Variants in SLC25A26 observed in about 807,000 individuals in gnomAD.
SLC25A26 encodes solute carrier family 25 member 26, also known as mitochondrial S-adenosylmethionine carrier protein.
In SLC25A26, 36 loss-of-function variants were observed where a neutral mutation model predicts 37.8. The ratio of observed to expected loss-of-function variants is 0.95; its 90% CI spans 0.73 to 1.26. SLC25A26 has a LOEUF of 1.26. Among genes scored for constraint, SLC25A26 ranks in the 50% most tolerant of loss-of-function variants. The probability of loss-of-function intolerance (pLI) is 0.00; values close to 1 mark genes in which losing one functional copy is unlikely to be tolerated. For missense variants in SLC25A26, 390 were observed against 331.1 expected, an observed-to-expected ratio of 1.18 and a Z score of -1.38; for synonymous variants, 129 against 122.5, an observed-to-expected ratio of 1.05 and a Z score of -0.35.
chr3:66,267,922 A>G (rs971612979), intron 5 of SLC25A26, among the ~76,000 whole-genome samples: 2 of 152,204 alleles, frequency 1.3e-5, no homozygotes, highest in Non-Finnish European at 2.9e-5. Flanking sequence ...TCAAGCGTCA[A>G]GGACTGCCCT....
At chr3:66,354,397 G>A (rs560392123) in intron 6 of SLC25A26, among the ~76,000 whole-genome samples, 38 of 152,264 alleles carry the variant, frequency 2.5e-4, no homozygotes, top group African/African-American at 9.1e-4. Flanking sequence ...TGAAATCATA[G>A]CTTTGTCATA....
intron 3 of SLC25A26, among the ~76,000 whole-genome samples, chr3:66,256,703 C>T (rs953213046): frequency 1.3e-5 from 2 of 152,064 alleles, no homozygotes; most frequent in Non-Finnish European, 2.9e-5. Context: ...TGGGACCAGC[C>T]TGGGCAACAT....
At chr3:66,255,859 CA>C (rs1258302465) in intron 3 of SLC25A26, among the ~76,000 whole-genome samples, 1 of 152,136 alleles carries the variant, frequency 6.6e-6, no homozygotes, top group Non-Finnish European at 1.5e-5. Flanking sequence ...TCTCTCATGC[CA>C]CAGTTGTCAC....
At chr3:66,199,403 A>G (rs2071083118) in intron 1 of SLC25A26, among the ~76,000 whole-genome samples, 1 of 151,702 alleles carries the variant, frequency 6.6e-6, no homozygotes, top group Non-Finnish European at 1.5e-5. Context: ...TGTCACTCTC[A>G]TGTTGACTAT....
intron 1 of SLC25A26, among the ~76,000 whole-genome samples, chr3:66,182,481 G>C (rs1323025688): frequency 6.6e-6 from 1 of 152,036 alleles, no homozygotes; most frequent in African/African-American, 2.4e-5. Flanking sequence ...TAGCCATTAG[G>C]GATTTGAATC....
chr3:66,276,416 G>A (rs1261695031), intron 5 of SLC25A26, among the ~76,000 whole-genome samples: 1 of 152,036 alleles, frequency 6.6e-6, no homozygotes, highest in Non-Finnish European at 1.5e-5. Flanking sequence ...TAATGTGATG[G>A]GGGATCTACA....
intron 5 of SLC25A26, among the ~76,000 whole-genome samples, chr3:66,282,263 G>A (rs966060868): frequency 6.6e-6 from 1 of 151,104 alleles, no homozygotes; most frequent in Non-Finnish European, 1.5e-5. Context: ...CACCCGCCTC[G>A]GCCTCCCAAA....
chr3:66,158,438 G>A (rs2070313339), intron 1 of SLC25A26, among the ~76,000 whole-genome samples: 1 of 152,160 alleles, frequency 6.6e-6, no homozygotes, highest in Non-Finnish European at 1.5e-5. Context: ...TAGTGTGGAT[G>A]TTACGTTTTG....
chr3:66,316,546 A>G (rs1424565566), intron 5 of SLC25A26, among the ~76,000 whole-genome samples: 2 of 150,358 alleles, frequency 1.3e-5, no homozygotes, highest in Non-Finnish European at 3.0e-5. Context: ...TGCCCTTAAC[A>G]TTTTTTTTTC....
intron 6 of SLC25A26, among the ~76,000 whole-genome samples, chr3:66,355,698 A>G (rs1359915424): frequency 6.6e-6 from 1 of 152,234 alleles, no homozygotes; most frequent in African/African-American, 2.4e-5. Context: ...TGATAAAATT[A>G]TAGGCAGCTG....
chr3:66,168,067 A>G (rs563344361), intron 1 of SLC25A26, among the ~76,000 whole-genome samples: 2 of 151,086 alleles, frequency 1.3e-5, no homozygotes, highest in East Asian at 2.0e-4. Flanking sequence ...GCAGGAAAAT[A>G]GCTTGAACCC....
In SLC25A26 at chr3:66,377,802, C is replaced by T; in HGVS notation, c.820C>T (p.Pro274Ser). Residue 274 changes from proline (P) to serine (S), a missense_variant, in exon 10 of 10, where the codon CCT becomes TCT. Coordinates refer to ENST00000354883, the MANE Select transcript of SLC25A26 (RefSeq NM_001379210.1). ...GCTGTTGGAAGTTGGCAGAAAGAGT[C>T]CTTGAAGCAGAGACAAGCCTCACCT... Reference protein sequence around the residue: ...SLLLEVGRKSP With the variant: ...SLLLEVGRKSS The T allele has an allele frequency of 7.4e-6, 12 of 1,612,716 alleles. No individual in the cohort carries two copies. Among genetic ancestry groups the T allele is most frequent in the Non-Finnish European group, 1.0e-5 (12 of 1,178,830 alleles).
intron 1 of SLC25A26, among the ~76,000 whole-genome samples, chr3:66,221,468 AATGT>A (rs1303134705): frequency 6.6e-6 from 1 of 152,206 alleles, no homozygotes; most frequent in African/African-American, 2.4e-5. Flanking sequence ...GAATTAAAGA[AATGT>A]ATGTAACACA....
chr3:66,341,706 A>G (rs565840969), intron 5 of SLC25A26, among the ~76,000 whole-genome samples: 2 of 152,236 alleles, frequency 1.3e-5, no homozygotes, highest in South Asian at 4.1e-4. Flanking sequence ...AGGAATGTTA[A>G]TATGTTTTTA....
At chr3:66,356,583 T>G (rs887792239) in intron 6 of SLC25A26, among the ~76,000 whole-genome samples, 4 of 152,186 alleles carry the variant, frequency 2.6e-5, no homozygotes, top group African/African-American at 9.7e-5. Context: ...AGTCTTGTGC[T>G]TTGATCATTA....
At chr3:66,166,870 C>T (rs2070432062) in intron 1 of SLC25A26, among the ~76,000 whole-genome samples, 1 of 152,148 alleles carries the variant, frequency 6.6e-6, no homozygotes, top group Non-Finnish European at 1.5e-5. Context: ...ACAATTCCCA[C>T]GTGTTGTGGG....
chr3:66,276,301 A>C (rs1171915208), intron 5 of SLC25A26, among the ~76,000 whole-genome samples: 1 of 152,150 alleles, frequency 6.6e-6, no homozygotes, highest in Non-Finnish European at 1.5e-5. Context: ...ATTGGAGGTC[A>C]AGTTTGTATA....
Position 66,221,022 on chromosome 3 carries a change from G to A in SLC25A26, c.-73G>A. 1.3e-6 allele frequency: 2 copies of A among 1,489,718 alleles called. No individual in the cohort carries two copies. The highest frequency in any genetic ancestry group is 1.2e-5 in the South Asian group (1 of 83,106). 92.3% of individuals were successfully genotyped at this position (1,489,718 alleles called of 1,614,324 possible). On this transcript the variant is annotated 5_prime_UTR_variant, in exon 1 of 10. Transcript: ENST00000354883. ...AGACAGACCCGCCTCAAACATGGCGGCGCCCAGCGCGCGAGGACGTGATCC... is the reference window on the plus strand; with the variant it reads ...AGACAGACCCGCCTCAAACATGGCGACGCCCAGCGCGCGAGGACGTGATCC...
chr3:66,290,085 G>C (rs568090724), intron 5 of SLC25A26, among the ~76,000 whole-genome samples: 1 of 152,244 alleles, frequency 6.6e-6, no homozygotes, highest in South Asian at 2.1e-4. Context: ...TAGCAATTGT[G>C]AATGGGAATT....
Sources: gnomAD v4.1 joint callset for allele counts (sites outside exome capture counted in the v4.1 genomes callset) on GRCh38, gnomAD v4.1.1 for gene constraint, MANE v1.5 for transcripts, NCBI Gene and HGNC (gene_info 2026-07-23, HGNC 2026-07-21) for gene names.